MCCC1: variants seen among roughly 807,000 people sequenced by gnomAD.
MCCC1 encodes the protein methylcrotonoyl-CoA carboxylase subunit alpha, mitochondrial.
Under a neutral mutation model 83.8 loss-of-function variants are expected in MCCC1, and 64 were observed. That is an observed-to-expected ratio of 0.76 (90% CI 0.62 to 0.94). The LOEUF (loss-of-function observed/expected upper bound fraction) is 0.94, where lower values mean the gene tolerates loss of function less well. Among genes scored for constraint, MCCC1 ranks in the 40% least tolerant of loss-of-function variants. MCCC1 has a pLI of 0.00. For missense variants in MCCC1, 807 were observed against 904.7 expected (o/e 0.89, Z 1.39); for synonymous variants, 322 against 315.4 (o/e 1.02, Z -0.22).
At chr3:183,101,292 G>A (rs560061319), upstream of MCCC1, among the ~76,000 whole-genome samples, 9 of 152,376 alleles carry the variant, frequency 5.9e-5, no homozygotes, top group African/African-American at 1.7e-4. Flanking sequence ...AGCGCACGGC[G>A]GCGCAGGACT....
chr3:183,071,383 T>C (rs773870308), intron 5 of MCCC1, 26 bp from the exon 6 acceptor site: 7 of 1,614,110 alleles, frequency 4.3e-6, no homozygotes, highest in South Asian at 1.1e-5. Context: ...GAAAACAACA[T>C]GCCCCAAATT....
intron 4 of MCCC1, among the ~76,000 whole-genome samples, chr3:183,078,538 A>G (rs1256767014): frequency 6.6e-6 from 1 of 152,132 alleles, no homozygotes; most frequent in African/African-American, 2.4e-5. Context: ...GTTTATTTAG[A>G]ACTTCTTTAG....
intron 12 of MCCC1, among the ~76,000 whole-genome samples, chr3:183,037,831 A>G (rs1386730971): frequency 6.6e-6 from 1 of 152,240 alleles, no homozygotes; most frequent in Admixed American, 6.5e-5. Context: ...GGAAGACTGC[A>G]AACAGCAAGC....
upstream of MCCC1, among the ~76,000 whole-genome samples, chr3:183,101,293 G>T (rs1719274037): frequency 6.6e-6 from 1 of 152,264 alleles, no homozygotes; most frequent in Non-Finnish European, 1.5e-5. Context: ...GCGCACGGCG[G>T]CGCAGGACTG....
At chr3:183,034,116 A>T (rs774182267) in intron 13 of MCCC1, 39 bp from the exon 14 acceptor site, 4 of 1,360,782 alleles carry the variant, frequency 2.9e-6, no homozygotes, top group African/African-American at 1.4e-5. Flanking sequence ...ACTTATGAGT[A>T]TCAAGCCTAT....
At chr3:183,085,201 G>A (rs1408021827) in intron 4 of MCCC1, among the ~76,000 whole-genome samples, 1 of 152,088 alleles carries the variant, frequency 6.6e-6, no homozygotes, top group Non-Finnish European at 1.5e-5. Context: ...TAATTGTTTT[G>A]CCTTCTTTCA....
At position 183,037,347 on chromosome 3, in the gene MCCC1, T is replaced by TG; in HGVS notation, c.1464dup (p.Ile489HisfsTer44). The TG allele has an allele frequency of 6.2e-7, 1 of 1,614,054 alleles. No homozygotes were observed. On this transcript the variant is annotated frameshift_variant, in exon 13 of 19. Coordinates refer to ENST00000265594, the MANE Select transcript of MCCC1 (RefSeq NM_020166.5). LOFTEE classifies it high-confidence loss of function. ...AACAACTGTTTGTGGTGTTGAGGGA[T>TG]GAAATCAGTGTGCACGTTCCCAGCT...
chr3:183,089,694 T>C (rs563659003), intron 3 of MCCC1, among the ~76,000 whole-genome samples: 1 of 151,906 alleles, frequency 6.6e-6, no homozygotes, highest in Non-Finnish European at 1.5e-5. Context: ...GTTTGGGAAA[T>C]ACAATTAACA....
intron 4 of MCCC1, among the ~76,000 whole-genome samples, chr3:183,073,693 C>T (rs536669501): frequency 1.3e-4 from 20 of 152,342 alleles, no homozygotes; most frequent in Admixed American, 9.8e-4. Flanking sequence ...GTTTTTCCTT[C>T]TTCACAATTT....
chr3:183,091,773 T>G (rs555852165), intron 3 of MCCC1, among the ~76,000 whole-genome samples: 2 of 152,284 alleles, frequency 1.3e-5, no homozygotes, highest in African/African-American at 4.8e-5. Context: ...CTAGGCACGG[T>G]GGCTCACGCC....
At chr3:183,050,047 G>A (rs1350360724) in intron 9 of MCCC1, among the ~76,000 whole-genome samples, 2 of 152,092 alleles carry the variant, frequency 1.3e-5, no homozygotes, top group East Asian at 3.9e-4. Context: ...TTGAGTCCAG[G>A]AAGTGGAGGT....
chr3:183,092,867 C>T (rs1426570183), intron 2 of MCCC1, among the ~76,000 whole-genome samples: 1 of 152,010 alleles, frequency 6.6e-6, no homozygotes, highest in Non-Finnish European at 1.5e-5. Flanking sequence ...TCATTAATAA[C>T]TACTCTTTTA....
chr3:183,020,978 T>C (rs955969828), intron 16 of MCCC1, among the ~76,000 whole-genome samples: 1 of 151,808 alleles, frequency 6.6e-6, no homozygotes, highest in Admixed American at 6.6e-5. Flanking sequence ...GAGAATGGAG[T>C]GAACCCGGGA....
upstream of MCCC1, among the ~76,000 whole-genome samples, chr3:183,101,294 C>T (rs1388146515): frequency 3.3e-5 from 5 of 152,256 alleles, no homozygotes; most frequent in South Asian, 2.1e-4. Context: ...CGCACGGCGG[C>T]GCAGGACTGG....
intron 13 of MCCC1, among the ~76,000 whole-genome samples, chr3:183,036,218 T>G (rs1380851768): frequency 2.6e-5 from 4 of 152,144 alleles, no homozygotes; most frequent in Non-Finnish European, 5.9e-5. Context: ...AGGGATGCAA[T>G]GCATATGTGT....
At chr3:183,041,507 A>G in intron 11 of MCCC1, 60 bp downstream of exon 11, 1 of 1,576,936 alleles carries the variant, frequency 6.3e-7, no homozygotes, top group Non-Finnish European at 8.7e-7. Flanking sequence ...AATGTGTCCA[A>G]AAACAATAAT....
rs981996140 is a variant in MCCC1 at position 183,064,172 on chromosome 3, G to C, written c.762-6750C>G. 1.3e-5 allele frequency among the ~76,000 whole-genome samples: 2 copies of C among 151,738 alleles called. No homozygotes were observed. The highest frequency in any genetic ancestry group is 2.9e-5 in the Non-Finnish European group (2 of 67,810). On this transcript the variant is annotated intron_variant, in intron 7 of 18. Coordinates refer to ENST00000265594, the MANE Select transcript of MCCC1 (RefSeq NM_020166.5). The surrounding 1 kb of genome is among the most constrained non-coding windows in gnomAD (Gnocchi z 4.5). ...CTTGCACTCTTTGCTGACGGCGGTC[G>C]GTGATAGGATTAGGCATGTACAGGA...
At chr3:183,052,929 T>C (rs1374162604) in intron 8 of MCCC1, among the ~76,000 whole-genome samples, 1 of 128,166 alleles carries the variant, frequency 7.8e-6, no homozygotes, top group African/African-American at 2.9e-5. Context: ...ATAGTTATTT[T>C]AAAGTGTATC....
chr3:183,086,049 G>C (rs898635197), intron 4 of MCCC1, among the ~76,000 whole-genome samples: 2 of 152,308 alleles, frequency 1.3e-5, no homozygotes, highest in African/African-American at 4.8e-5. Context: ...TATTATTAAA[G>C]GGTAATTTCA....
Sources: allele counts gnomAD v4.1 joint callset (sites outside exome capture counted in the v4.1 genomes callset), GRCh38; gene constraint gnomAD v4.1.1; non-coding constraint Gnocchi (gnomAD v3.1); transcripts MANE v1.5; gene names NCBI Gene and HGNC (gene_info 2026-07-23, HGNC 2026-07-21).